Variants in ARHGEF1 observed in about 807,000 individuals in gnomAD.
The protein encoded by ARHGEF1 is Rho guanine nucleotide exchange factor 1.
In ARHGEF1, 40 loss-of-function variants were observed where a neutral mutation model predicts 119.7. The ratio of observed to expected loss-of-function variants is 0.33; its 90% CI spans 0.26 to 0.44. The LOEUF (loss-of-function observed/expected upper bound fraction) is 0.44. Ranked by LOEUF, ARHGEF1 falls within the 20% of genes least tolerant of loss-of-function variation. The pLI, the probability that ARHGEF1 is intolerant of heterozygous loss-of-function variation, is 1.00. For synonymous variants in ARHGEF1, 494 were observed against 521.0 expected, an observed-to-expected ratio of 0.95 and a Z score of 0.71; for missense variants, 976 against 1,268.3, an observed-to-expected ratio of 0.77 and a Z score of 3.50.
At chr19:41,929,971 C>T (rs1555853757) in exon 3 of ARHGEF1, 1 of 152,290 alleles carries the variant, frequency 6.6e-6, no homozygotes, top group African/African-American at 2.4e-5. Context: ...CAAGTTTCCT[C>T]ATCTGCAAAA....
chr19:41,912,575 CG>C (rs2074759380), intron 18 of ARHGEF1, among the ~76,000 whole-genome samples: 1 of 152,216 alleles, frequency 6.6e-6, no homozygotes, highest in Non-Finnish European at 1.5e-5. Context: ...CAGGGATGCC[CG>C]GGCCTCGGGC....
chr19:41,908,641 C>T, downstream of ARHGEF1: 2 of 1,231,638 alleles, frequency 1.6e-6, no homozygotes, highest in Admixed American at 4.2e-5. The surrounding 1 kb of genome is among the most constrained non-coding windows in gnomAD (Gnocchi z 6.7). Context: ...CCATAAGGAC[C>T]CAGCAGGCCA....
chr19:41,919,729 A>G (rs2074826978), upstream of ARHGEF1, among the ~76,000 whole-genome samples: 1 of 152,046 alleles, frequency 6.6e-6, no homozygotes, highest in South Asian at 2.1e-4. Flanking sequence ...TCAGGGTCGC[A>G]CTCACTTGGT....
chr19:41,905,646 C>T lies in ARHGEF1; in HGVS notation c.2337-114C>T, dbSNP rs1555849983. 1.8e-6 allele frequency: 2 copies of T among 1,103,304 alleles called. No individual in the cohort carries two copies. Among genetic ancestry groups the T allele is most frequent in the African/African-American group, 3.1e-5 (2 of 64,202 alleles). The allele number at this position is 1,103,304 out of a possible 1,614,324, so 68.3% of individuals were successfully genotyped here. On this transcript the variant is annotated intron_variant, in intron 24 of 28. Transcript: ENST00000354532. The surrounding 1 kb of genome is among the most constrained non-coding windows in gnomAD (Gnocchi z 6.4). ...TGTCTCCCTGTCTCCCGGCCTCGAC[C>T]TCTGTCTCTGTCTCCGGACCTCCCT...
chr19:41,895,702 C>T (rs2074473455), intron 12 of ARHGEF1, among the ~76,000 whole-genome samples: 1 of 152,194 alleles, frequency 6.6e-6, no homozygotes, highest in South Asian at 2.1e-4. Context: ...CAGGCTCTGA[C>T]CTCTCTGCTG....
chr19:41,920,282 A>G (rs1460182277), upstream of ARHGEF1, among the ~76,000 whole-genome samples: 1 of 123,020 alleles, frequency 8.1e-6, no homozygotes, highest in African/African-American at 3.0e-5. Context: ...CAGACATGAT[A>G]ACGCTCACAG....
In ARHGEF1 at chr19:41,905,542, T is replaced by C. The variant is rs148666476; in HGVS notation, c.2337-218T>C. The C allele has an allele frequency of 9.0e-4, 556 of 616,332 alleles. 2 individuals are homozygous for C. Among genetic ancestry groups the C allele is most frequent in the African/African-American group, 7.6e-3 (412 of 54,250 alleles). The allele number at this position is 616,332 out of a possible 1,614,324, so 38.2% of individuals were successfully genotyped here. On this transcript the variant is annotated intron_variant, in intron 24 of 28. Coordinates refer to ENST00000354532, the MANE Select transcript of ARHGEF1 (RefSeq NM_004706.4). The surrounding 1 kb of genome is among the most constrained non-coding windows in gnomAD (Gnocchi z 6.4). The stretch of plus-strand genomic sequence containing the variant: ...GCATGTGCATGCATGTGTGTGTGTG[T>C]GCGCATGTGCCGACCCCACCACTGC...
Position 41,889,281 on chromosome 19 carries a change from G to C in ARHGEF1, c.225+416G>C, listed in dbSNP as rs547070542. 1.8e-5 allele frequency: 3 copies of C among 163,328 alleles called. No individual in the cohort carries two copies. The highest frequency in any genetic ancestry group is 7.2e-5 in the African/African-American group (3 of 41,888). 10.1% of individuals were successfully genotyped at this position (163,328 alleles called of 1,614,324 possible). A position where few individuals can be genotyped will look rare whatever the true frequency, so the allele number is the denominator to read the frequency against. On this transcript the variant is annotated intron_variant, in intron 4 of 28. Transcript: ENST00000354532. The surrounding 1 kb of genome is among the most constrained non-coding windows in gnomAD (Gnocchi z 4.0). ...CAGATGCCAGCACGCAGTCATTCAC[G>C]GTTGATGGTTGGGAAAAAGAAGCTG...
chr19:41,912,928 C>A (rs1463141684), intron 18 of ARHGEF1: 1 of 1,230,202 alleles, frequency 8.1e-7, no homozygotes, highest in Non-Finnish European at 1.0e-6. Flanking sequence ...ATGGCGGAGC[C>A]GGCCCTGCAG....
downstream of ARHGEF1, among the ~76,000 whole-genome samples, chr19:41,912,363 C>G (rs1310257121): frequency 2.0e-5 from 3 of 152,208 alleles, no homozygotes; most frequent in Non-Finnish European, 4.4e-5. Context: ...GTCTGACCAG[C>G]TTCACCGTCC....
upstream of ARHGEF1, among the ~76,000 whole-genome samples, chr19:41,922,715 G>T (rs1204811049): frequency 2.0e-5 from 3 of 152,166 alleles, no homozygotes; most frequent in Admixed American, 6.5e-5. Context: ...ATCCCACAAG[G>T]GCCGGGGTCC....
chr19:41,900,132 G>A (rs147516865), intron 14 of ARHGEF1, among the ~76,000 whole-genome samples: 211 of 152,194 alleles, frequency 1.4e-3, no homozygotes, highest in African/African-American at 4.7e-3. Context: ...TCAGGAGTTC[G>A]AGACTAGCCT....
At chr19:41,911,840 TAGAG>T (rs1205830222), downstream of ARHGEF1, among the ~76,000 whole-genome samples, 4 of 151,898 alleles carry the variant, frequency 2.6e-5, no homozygotes, top group South Asian at 2.1e-4. Flanking sequence ...CAGGCACAGC[TAGAG>T]AGAGGACCCC....
Position 41,903,315 on chromosome 19 carries a change from A to C in ARHGEF1, c.1747A>C (p.Thr583Pro). 6.2e-7 allele frequency: 1 copy of C among 1,613,918 alleles called. No individual in the cohort carries two copies. The highest frequency in any genetic ancestry group is 8.5e-7 in the Non-Finnish European group (1 of 1,180,002). The change falls in exon 19 of 29, where the codon ACA (threonine) becomes CCA (proline). Residue 583 changes from threonine to proline, a missense_variant. By Grantham distance (38) the Thr-to-Pro change is conservative. This residue lies in a region of ARHGEF1 where 286 missense variants were observed against 506.8 expected (regional missense o/e 0.56). Coordinates refer to ENST00000354532, the MANE Select transcript of ARHGEF1 (RefSeq NM_004706.4). This position sits in a 1 kb window ranked among gnomAD's most constrained non-coding sequence, Gnocchi z 4.2. Reference sequence around the variant, plus strand: ...CTCTCCCTTGCCTGCAGAAGAGCCCACAGAACGGGAGAAAGTGGAGCTGGC... The same window carrying C: ...CTCTCCCTTGCCTGCAGAAGAGCCCCCAGAACGGGAGAAAGTGGAGCTGGC... ...QSIGQNTEEP[T>P]EREKVELAAE...
chr19:41,905,928 C>A lies in ARHGEF1; in HGVS notation c.2405-11C>A. ...GCAGGATCTGAGCTCCCTCTCTGTT[C>A]CCCAATCCAGCCCGGACCGAGAGAA... On this transcript the variant is annotated splice_polypyrimidine_tract_variant and intron_variant, in intron 25 of 28. Transcript: ENST00000354532. This position sits in a 1 kb window ranked among gnomAD's most constrained non-coding sequence, Gnocchi z 6.4. 1.2e-6 allele frequency: 2 copies of A among 1,614,108 alleles called. No homozygotes were observed. Among genetic ancestry groups the A allele is most frequent in the Non-Finnish European group, 8.5e-7 (1 of 1,179,980 alleles).
chr19:41,901,059 G>A (rs1339310699), intron 14 of ARHGEF1: 1 of 151,972 alleles, frequency 6.6e-6, no homozygotes, highest in Non-Finnish European at 1.5e-5. Context: ...AAATTGCTGG[G>A]ATTACAGGCA....
intron 12 of ARHGEF1, 151 bp downstream of exon 12, chr19:41,895,637 C>G: frequency 1.1e-6 from 1 of 875,808 alleles, no homozygotes; most frequent in Non-Finnish European, 1.7e-6. Flanking sequence ...CTGGTCACCA[C>G]TGTCATTCAT....
chr19:41,902,917 T>G lies in ARHGEF1; in HGVS notation c.1738+19T>G, dbSNP rs2074627171. The G allele has an allele frequency of 1.3e-6, 2 of 1,548,818 alleles. No homozygotes were observed. The highest frequency in any genetic ancestry group is 4.3e-5 in the Admixed American group (2 of 46,530). On this transcript the variant is annotated intron_variant, in intron 18 of 28. Coordinates refer to ENST00000354532, the MANE Select transcript of ARHGEF1 (RefSeq NM_004706.4). The surrounding 1 kb of genome is among the most constrained non-coding windows in gnomAD (Gnocchi z 6.5). ...AACACAGGTACCGCGGGCCTGGATC[T>G]CTGGGCCTCGGCTCTCCTCTTTTTT...
Position 41,902,110 on chromosome 19 carries a change from G to C in ARHGEF1, c.1414+77G>C. 1 of 1,585,558 alleles carries C rather than the reference G, an allele frequency of 6.3e-7. No homozygotes were observed. On this transcript the variant is annotated intron_variant, in intron 15 of 28. Coordinates refer to ENST00000354532, the MANE Select transcript of ARHGEF1 (RefSeq NM_004706.4). The surrounding 1 kb of genome is among the most constrained non-coding windows in gnomAD (Gnocchi z 6.5). Reference sequence around the variant, plus strand: ...TCTGCTCTAGCCCTGGGTTCAACCTGCTCGGGAACCCCAGGGTTCACATGG... The same window carrying C: ...TCTGCTCTAGCCCTGGGTTCAACCTCCTCGGGAACCCCAGGGTTCACATGG...
Sources: allele counts gnomAD v4.1 joint callset (sites outside exome capture counted in the v4.1 genomes callset), GRCh38; gene constraint gnomAD v4.1.1; regional missense constraint gnomAD v4.1.1; non-coding constraint Gnocchi (gnomAD v3.1); transcripts MANE v1.5; gene names NCBI Gene and HGNC (gene_info 2026-07-23, HGNC 2026-07-21).